SHPK: variants seen among roughly 807,000 people sequenced by gnomAD.
SHPK encodes carbohydrate kinase-like protein.
Under a neutral mutation model 46.3 loss-of-function variants are expected in SHPK, and 51 were observed. The ratio of observed to expected loss-of-function variants is 1.10; its 90% CI spans 0.88 to 1.39. The LOEUF (loss-of-function observed/expected upper bound fraction) is 1.39, where lower values mean the gene tolerates loss of function less well. SHPK is among the 40% of genes most tolerant of loss of function. The pLI is 0.00. For synonymous variants in SHPK, 290 were observed against 273.9 expected, an observed-to-expected ratio of 1.06 and a Z score of -0.58; for missense variants, 668 against 641.3, an observed-to-expected ratio of 1.04 and a Z score of -0.45.
rs72834069 is a variant in SHPK at position 3,609,938 on chromosome 17, C to T, written c.*622G>A. On this transcript the variant is annotated 3_prime_UTR_variant, in exon 7 of 7. Coordinates refer to ENST00000225519, the MANE Select transcript of SHPK (RefSeq NM_013276.4). The stretch of plus-strand genomic sequence containing the variant: ...GGCTGAGTACATGCAGCAAGAAGGC[C>T]GGCACACAGCCCCGCATCGTCTTCT... 0.032 allele frequency: 4,863 copies of T among 152,708 alleles called. 112 individuals are homozygous for T. Among genetic ancestry groups the T allele is most frequent in the Non-Finnish European group, 0.049 (3,364 of 68,182 alleles). The allele number at this position is 152,708 out of a possible 1,614,324, so 9.5% of individuals were successfully genotyped here.
At chr17:3,628,826 T>G (rs568815220) in intron 2 of SHPK, among the ~76,000 whole-genome samples, 2 of 152,220 alleles carry the variant, frequency 1.3e-5, no homozygotes, top group East Asian at 3.9e-4. Flanking sequence ...TTTTTGCATC[T>G]TTTGTAGAGA....
At chr17:3,636,028 C>G (rs1028766297) in intron 1 of SHPK, 24 bp downstream of exon 1, 5 of 1,516,500 alleles carry the variant, frequency 3.3e-6, no homozygotes, top group Non-Finnish European at 8.8e-7. Context: ...CTGGAGGCGG[C>G]GCGGCCCCGG....
intron 4 of SHPK, 22 bp downstream of exon 4, chr17:3,623,317 C>T (rs756329917): frequency 4.2e-5 from 67 of 1,613,476 alleles, no homozygotes; most frequent in Non-Finnish European, 5.7e-5. Flanking sequence ...GGAGGAACAG[C>T]CTGCAAGGAT....
intron 3 of SHPK, 39 bp downstream of exon 3, chr17:3,624,009 G>T (rs370849690): frequency 1.3e-6 from 2 of 1,565,948 alleles, no homozygotes; most frequent in Non-Finnish European, 1.7e-6. Flanking sequence ...TCATTCTCCC[G>T]GAAACCCAGC....
At chr17:3,622,532 A>G (rs1460828720) in intron 4 of SHPK, 1 of 964,456 alleles carries the variant, frequency 1.0e-6, no homozygotes, top group Non-Finnish European at 1.2e-6. Context: ...AACATGCTGG[A>G]AAGTCCTTTA....
chr17:3,631,541 G>A (rs1315286623), intron 1 of SHPK, among the ~76,000 whole-genome samples: 1 of 9,292 alleles, frequency 1.1e-4, no homozygotes, highest in East Asian at 0.029. Flanking sequence ...TTTTTTTTTA[G>A]CGATAGAGTC....
chr17:3,615,349 T>C lies in SHPK; in HGVS notation c.1012A>G (p.Met338Val), dbSNP rs1366317214. Reference sequence around the variant, plus strand: ...GGCCACACCTTACCTAGATCTGCCATCCACTGAACCAGCATGTGGACGAAC... The same window carrying C: ...GGCCACACCTTACCTAGATCTGCCACCCACTGAACCAGCATGTGGACGAAC... ...ATFVHMLVQW[M>V]ADLGLEVEES... The change falls in exon 6 of 7, where the codon ATG becomes GTG. Residue 338 changes from methionine to valine, a missense_variant. Met to Val is a conservative substitution (Grantham distance 21). Coordinates refer to ENST00000225519, the MANE Select transcript of SHPK (RefSeq NM_013276.4). The C allele has an allele frequency of 6.2e-7, 1 of 1,614,106 alleles. No homozygotes were observed. Among genetic ancestry groups the C allele is most frequent in the Admixed American group, 1.7e-5 (1 of 60,008 alleles).
chr17:3,629,545 T>C (rs1174343605), intron 2 of SHPK, among the ~76,000 whole-genome samples: 1 of 151,840 alleles, frequency 6.6e-6, no homozygotes, highest in Non-Finnish European at 1.5e-5. Context: ...CTGGCCAACA[T>C]GGTGAAACCC....
Position 3,610,713 on chromosome 17 carries a change from C to G in SHPK, c.1284G>C (p.Met428Ile), listed in dbSNP as rs754869987. 2 of 1,614,152 alleles carry G rather than the reference C, an allele frequency of 1.2e-6. No individual in the cohort carries two copies. Among genetic ancestry groups the G allele is most frequent in the South Asian group, 2.2e-5 (2 of 91,084 alleles). The part of the protein sequence containing the change: ...QLQEWGVERV[M>I]GSGSALSRND... The stretch of plus-strand genomic sequence containing the variant: ...TCCTGGACAGCGCACTCCCACTGCC[C>G]ATCACCCTCTCCACGCCCCACTCCT... The change falls in exon 7 of 7, where the codon ATG (methionine) becomes ATC (isoleucine). Residue 428 changes from methionine (M) to isoleucine (I), a missense_variant. By Grantham distance (10) the Met-to-Ile change is conservative. Transcript: ENST00000225519.
chr17:3,622,047 C>A (rs1012657842), intron 4 of SHPK, among the ~76,000 whole-genome samples: 2 of 151,336 alleles, frequency 1.3e-5, no homozygotes, highest in African/African-American at 4.9e-5. Context: ...ACCTCCCAGG[C>A]TCAAGCAATT....
rs186249140 is a variant in SHPK, at chr17:3,622,564, T to C, written c.647+775A>G. On this transcript the variant is annotated intron_variant, in intron 4 of 6. Transcript: ENST00000225519. ...TTTACCTGAACTACCAGGTGCTTTTTGTTTTATTTCAGAGCTCAGAATTTG... is the reference window on the plus strand; with the variant it reads ...TTTACCTGAACTACCAGGTGCTTTTCGTTTTATTTCAGAGCTCAGAATTTG... 131 of 984,840 alleles carry C rather than the reference T, an allele frequency of 1.3e-4. No homozygotes were observed. The African/African-American group carries it at 2.2e-3, about 16-fold the overall frequency. The allele number at this position is 984,840 out of a possible 1,614,324, so 61.0% of individuals were successfully genotyped here. A position where few individuals can be genotyped will look rare whatever the true frequency, so the allele number is the denominator to read the frequency against.
At position 3,610,739 on chromosome 17, in the gene SHPK, G is replaced by A. The variant is rs772496461; in HGVS notation, c.1258C>T (p.Gln420Ter). 1.2e-6 allele frequency: 2 copies of A among 1,613,998 alleles called. No individual in the cohort carries two copies. Among genetic ancestry groups the A allele is most frequent in the South Asian group, 1.1e-5 (1 of 91,084 alleles). Residue 420 changes from glutamine (Q) to a stop codon, truncating the protein, a stop_gained, in exon 7 of 7, where the codon CAG becomes TAG. Coordinates refer to ENST00000225519, the MANE Select transcript of SHPK (RefSeq NM_013276.4). LOFTEE classifies it high-confidence loss of function. Reference protein sequence around the residue: ...LHSMLPIQQLQEWGVERVMGS... With the variant: ...LHSMLPIQQL ...ATCACCCTCTCCACGCCCCACTCCT[G>A]GAGCTGCTGAATCGGAAGCATGGAG... is the stretch of plus-strand genomic sequence containing the variant.
In SHPK at chr17:3,624,150, C is replaced by A. The variant is rs748741468; in HGVS notation, c.392G>T (p.Arg131Leu). Residue 131 changes from arginine (R) to leucine (L), a missense_variant, in exon 3 of 7, where the codon CGA becomes CTA. Arg to Leu is a moderately radical substitution (Grantham distance 102, BLOSUM62 -2). Transcript: ENST00000225519. Reference sequence around the variant, plus strand: ...AGAGGCCAGGAATTCGCTGCTACATCGGCCATCCTGCCACGTGACCAGGTG... The same window carrying A: ...AGAGGCCAGGAATTCGCTGCTACATAGGCCATCCTGCCACGTGACCAGGTG... ...VSHLVTWQDG[R>L]CSSEFLASLP... The A allele has an allele frequency of 1.2e-6, 2 of 1,614,160 alleles. No homozygotes were observed. The highest frequency in any genetic ancestry group is 1.7e-4 in the Middle Eastern group (1 of 6,052).
In SHPK at chr17:3,610,830, G is replaced by T; in HGVS notation, c.1167C>A (p.Ser389=). 1 of 1,614,164 alleles carries T rather than the reference G, an allele frequency of 6.2e-7. No individual in the cohort carries two copies. The change falls in exon 7 of 7, where the codon TCC becomes TCA. Residue 389 remains serine (S), a synonymous_variant. Coordinates refer to ENST00000225519, the MANE Select transcript of SHPK (RefSeq NM_013276.4). ...PDQLASVTRI[S]SSDLSLGHVT... Reference sequence around the variant, plus strand: ...CGTGCCCCAGGGAGAGGTCGGAGGAGGAGATTCTGGTCACTGAGGCCAGCT... The same window carrying T: ...CGTGCCCCAGGGAGAGGTCGGAGGATGAGATTCTGGTCACTGAGGCCAGCT...
At chr17:3,635,191 AATG>A (rs1176308806) in intron 1 of SHPK, among the ~76,000 whole-genome samples, 1 of 135,128 alleles carries the variant, frequency 7.4e-6, no homozygotes, top group East Asian at 2.3e-4. Flanking sequence ...GAAAGGAAAG[AATG>A]AAGGAAGGAA....
intron 3 of SHPK, among the ~76,000 whole-genome samples, chr17:3,623,717 G>A (rs2075416327): frequency 6.6e-6 from 1 of 152,184 alleles, no homozygotes. Context: ...AGAGGAGGAA[G>A]TGTCAAGCCT....
At chr17:3,616,138 C>G (rs894340614) in intron 5 of SHPK, among the ~76,000 whole-genome samples, 1 of 152,168 alleles carries the variant, frequency 6.6e-6, no homozygotes, top group Non-Finnish European at 1.5e-5. Flanking sequence ...AGGTGTGAGC[C>G]ACCGTGCCCG....
intron 1 of SHPK, among the ~76,000 whole-genome samples, chr17:3,635,799 A>G (rs1004437127): frequency 6.6e-6 from 1 of 151,236 alleles, no homozygotes; most frequent in Non-Finnish European, 1.5e-5. Context: ...GCCAAGCGCA[A>G]GGCCCCCAGA....
chr17:3,626,101 A>G (rs530375596), intron 2 of SHPK, among the ~76,000 whole-genome samples: 6 of 152,244 alleles, frequency 3.9e-5, no homozygotes, highest in Non-Finnish European at 8.8e-5. Flanking sequence ...CTTTTCACAC[A>G]GAATGCTGCT....
Sources: gnomAD v4.1 joint callset for allele counts (sites outside exome capture counted in the v4.1 genomes callset) on GRCh38, gnomAD v4.1.1 for gene constraint, MANE v1.5 for transcripts, NCBI Gene and HGNC (gene_info 2026-07-23, HGNC 2026-07-21) for gene names.